The following CDH8 variants were observed in gnomAD, a reference collection of about 807,000 sequenced individuals.
The protein encoded by CDH8 is cadherin 8.
A neutral mutation model predicts 68.1 loss-of-function variants in CDH8; 17 were observed. The ratio of observed to expected loss-of-function variants is 0.25; its 90% CI spans 0.17 to 0.37. The LOEUF is 0.37. CDH8 is among the 10% of genes least tolerant of loss of function. CDH8 has a pLI of 1.00. For synonymous variants in CDH8, 372 were observed against 365.1 expected (o/e 1.02, Z -0.21); for missense variants, 763 against 999.3 (o/e 0.76, Z 3.19).
chr16:61,658,727 T>G (rs1355919862), intron 10 of CDH8, among the ~76,000 whole-genome samples: 1 of 152,114 alleles, frequency 6.6e-6, no homozygotes. Context: ...CATTTGCTAT[T>G]CTTGGAAAAA....
chr16:61,845,188 T>C (rs1413336186), intron 4 of CDH8, among the ~76,000 whole-genome samples: 1 of 152,166 alleles, frequency 6.6e-6, no homozygotes, highest in African/African-American at 2.4e-5. Context: ...TGCTAATTTA[T>C]ACTCTGCTGA....
intron 10 of CDH8, among the ~76,000 whole-genome samples, chr16:61,663,607 C>A (rs1034367640): frequency 2.6e-5 from 4 of 151,938 alleles, no homozygotes; most frequent in African/African-American, 9.7e-5. Flanking sequence ...GTTTAACCCA[C>A]TTCTATTTGG....
At chr16:61,942,106 T>C (rs1303314838) in intron 2 of CDH8, among the ~76,000 whole-genome samples, 1 of 152,194 alleles carries the variant, frequency 6.6e-6, no homozygotes, top group Non-Finnish European at 1.5e-5. Flanking sequence ...CCATTCTCTA[T>C]ATTATAGCCT....
chr16:61,997,563 A>G (rs990675402), intron 2 of CDH8, among the ~76,000 whole-genome samples: 1 of 152,244 alleles, frequency 6.6e-6, no homozygotes, highest in Non-Finnish European at 1.5e-5. Context: ...AAGTCTAATG[A>G]GAAATAGAAT....
rs180878440 is a variant in CDH8 at position 61,840,708 on chromosome 16, G to A, written c.668-15529C>T. Among the ~76,000 whole-genome samples the A allele has an allele frequency of 5.3e-5, 8 of 152,228 alleles. No homozygotes were observed. In the East Asian group the frequency reaches 5.8e-4, roughly 11 times the overall value. ...CACTGCATGTTCTCACTTATAAGTC[G>A]TAGATGAACAATGAGAACACATAGA... On this transcript the variant is annotated intron_variant, in intron 4 of 11. Transcript: ENST00000577390.
At chr16:61,724,489 A>AT (rs1359451628) in intron 9 of CDH8, among the ~76,000 whole-genome samples, 1 of 150,376 alleles carries the variant, frequency 6.6e-6, no homozygotes, top group South Asian at 2.1e-4. Context: ...TACAGCCTGG[A>AT]TTTTTTTTAA....
chr16:61,869,206 GT>G, intron 3 of CDH8, among the ~76,000 whole-genome samples: 1 of 152,156 alleles, frequency 6.6e-6, no homozygotes, highest in African/African-American at 2.4e-5. Flanking sequence ...CCACCAAACT[GT>G]TCCTGGTCTT....
chr16:61,782,116 C>T (rs559935381), intron 8 of CDH8, among the ~76,000 whole-genome samples: 39 of 152,318 alleles, frequency 2.6e-4, no homozygotes, highest in Non-Finnish European at 4.0e-4. Context: ...CAGCTCCGGT[C>T]TACAGCTCCC....
At chr16:61,829,759 G>T (rs1962416402) in intron 4 of CDH8, among the ~76,000 whole-genome samples, 1 of 151,726 alleles carries the variant, frequency 6.6e-6, no homozygotes, top group Non-Finnish European at 1.5e-5. Context: ...GCAGTTAATT[G>T]GCTTCAATTC....
intron 8 of CDH8, among the ~76,000 whole-genome samples, chr16:61,737,325 G>T (rs957865577): frequency 2.6e-5 from 4 of 152,144 alleles, no homozygotes; most frequent in Admixed American, 6.6e-5. Context: ...ACAAGTAGAA[G>T]GGTAGAAGCT....
intron 10 of CDH8, among the ~76,000 whole-genome samples, chr16:61,704,350 T>C (rs953492078): frequency 6.6e-6 from 1 of 152,198 alleles, no homozygotes; most frequent in Non-Finnish European, 1.5e-5. Context: ...CATATGTTTA[T>C]TGAGTTATTT....
intron 1 of CDH8, among the ~76,000 whole-genome samples, chr16:62,027,137 G>C (rs1341949622): frequency 6.6e-6 from 1 of 152,142 alleles, no homozygotes; most frequent in Non-Finnish European, 1.5e-5. Context: ...AGATTTTACA[G>C]TTTCTCTGGA....
rs1965091245 is a variant in CDH8 at position 61,960,138 on chromosome 16, T to TATATACATATGTGTGTGTATACACAC, written c.253-58666_253-58665insGTGTGTATACACACACATATGTATAT. ...ATACATATGTGTGTGTGTATACACATACATATATACATATGTGTGTGTGTA... is the reference window on the plus strand; with the variant it reads ...ATACATATGTGTGTGTGTATACACATATATACATATGTGTGTGTATACACACACATATATACATATGTGTGTGTGTA... On this transcript the variant is annotated intron_variant, in intron 2 of 11. Coordinates refer to ENST00000577390, the MANE Select transcript of CDH8 (RefSeq NM_001796.5). Among the ~76,000 whole-genome samples, 4 of 93,860 alleles carry TATATACATATGTGTGTGTATACACAC rather than the reference T, an allele frequency of 4.3e-5. 2 individuals are homozygous for TATATACATATGTGTGTGTATACACAC. The highest frequency in any genetic ancestry group is 8.7e-5 in the Non-Finnish European group (4 of 46,030). 61.6% of individuals were successfully genotyped at this position (93,860 alleles called of 152,430 possible). A position where few individuals can be genotyped will look rare whatever the true frequency, so the allele number is the denominator to read the frequency against.
chr16:61,927,972 C>G (rs1184454127), intron 2 of CDH8, among the ~76,000 whole-genome samples: 6 of 152,228 alleles, frequency 3.9e-5, no homozygotes, highest in Non-Finnish European at 5.9e-5. Context: ...TATAACCAGT[C>G]CTTCCCTTCG....
chr16:61,706,349 G>A (rs1183195349), intron 10 of CDH8, among the ~76,000 whole-genome samples: 1 of 152,150 alleles, frequency 6.6e-6, no homozygotes, highest in African/African-American at 2.4e-5. Flanking sequence ...CGGACGCGGT[G>A]GCTCACGCCT....
At chr16:61,935,544 AC>A (rs1964614396) in intron 2 of CDH8, among the ~76,000 whole-genome samples, 2 of 152,136 alleles carry the variant, frequency 1.3e-5, no homozygotes, top group Non-Finnish European at 2.9e-5. Context: ...GCTGACACTT[AC>A]ATACCTTTTA....
chr16:61,750,502 G>A (rs1056124717), intron 8 of CDH8, among the ~76,000 whole-genome samples: 2 of 152,128 alleles, frequency 1.3e-5, no homozygotes, highest in African/African-American at 4.8e-5. Flanking sequence ...AAATTAGGAA[G>A]TGTTATAATA....
At chr16:61,737,609 A>C (rs1959734499) in intron 8 of CDH8, among the ~76,000 whole-genome samples, 1 of 152,184 alleles carries the variant, frequency 6.6e-6, no homozygotes, top group African/African-American at 2.4e-5. Flanking sequence ...TAATTTCTAA[A>C]TCATTAGTGA....
rs779125600 is a variant in CDH8, at chr16:61,713,958, C to G, written c.1537G>C (p.Val513Leu). 5.8e-6 allele frequency: 9 copies of G among 1,565,202 alleles called. No homozygotes were observed. ...TCCATGGCGCTAACAGTTTGAATGA[C>G]CTGAAACATAAAACTTGACGTCAGC... ...FLCENGKPGQ[V>L]IQTVSAMDKD... is the part of the protein sequence containing the mutation. Residue 513 changes from valine (V) to leucine (L), a missense_variant and splice_region_variant, in exon 10 of 12, where the codon GTC (valine) becomes CTC (leucine). Physicochemically the swap from Val to Leu is conservative, Grantham distance 32. Coordinates refer to ENST00000577390, the MANE Select transcript of CDH8 (RefSeq NM_001796.5).
Sources: gnomAD v4.1 joint callset for allele counts (sites outside exome capture counted in the v4.1 genomes callset) on GRCh38, gnomAD v4.1.1 for gene constraint, MANE v1.5 for transcripts, NCBI Gene and HGNC (gene_info 2026-07-23, HGNC 2026-07-21) for gene names.